DENND4C: variants seen among roughly 807,000 people sequenced by gnomAD.
The protein encoded by DENND4C is DENN domain-containing protein 4C.
DENND4C carries 108 observed loss-of-function variants against 203.0 expected under a neutral mutation model. That is an observed-to-expected ratio of 0.53 (90% CI 0.46 to 0.62). DENND4C has a LOEUF of 0.62. Among genes scored for constraint, DENND4C ranks in the 20% least tolerant of loss-of-function variants. DENND4C has a pLI of 0.00. For synonymous variants in DENND4C, 871 were observed against 792.4 expected (o/e 1.10, Z -1.67); for missense variants, 2,481 against 2,301.2 (o/e 1.08, Z -1.60).
In DENND4C at chr9:19,296,088, G is replaced by C; in HGVS notation, c.882G>C (p.Leu294Phe). The change falls in exon 6 of 33, where the codon TTG becomes TTC. Residue 294 changes from leucine (L) to phenylalanine (F), a missense_variant. This residue lies in a region of DENND4C where 2,289 missense variants were observed against 2,113.3 expected (regional missense o/e 1.08). Coordinates refer to ENST00000434457, the MANE Select transcript of DENND4C (RefSeq NM_001330640.2). Reference sequence around the variant, plus strand: ...AGAAACAGCTTATGCACCTGGGCTTGTTGACGCCTGTGGAGAGAAAAATGG... The same window carrying C: ...AGAAACAGCTTATGCACCTGGGCTTCTTGACGCCTGTGGAGAGAAAAATGG... ...LSEKQLMHLG[L>F]LTPVERKMVS... 1.2e-6 allele frequency: 2 copies of C among 1,614,114 alleles called. No homozygotes were observed. The highest frequency in any genetic ancestry group is 2.7e-5 in the African/African-American group (2 of 75,046).
chr9:19,245,960 T>A (rs1220100008), intron 1 of DENND4C, among the ~76,000 whole-genome samples: 8 of 2,882 alleles, frequency 2.8e-3, no homozygotes, highest in East Asian at 4.2e-3. Flanking sequence ...GGAATCCAAT[T>A]TTTTTTTTAT....
intron 1 of DENND4C, among the ~76,000 whole-genome samples, chr9:19,233,658 T>A (rs10964056): frequency 8.3e-5 from 8 of 96,936 alleles, no homozygotes; most frequent in African/African-American, 2.9e-4. Context: ...CCTCCCAGAT[T>A]GAAGCGATTC....
intron 23 of DENND4C, among the ~76,000 whole-genome samples, chr9:19,349,782 G>C (rs777407257): frequency 3.9e-5 from 6 of 152,118 alleles, no homozygotes; most frequent in Non-Finnish European, 8.8e-5. Context: ...AAACAGATTA[G>C]TTCACAGGTG....
intron 5 of DENND4C, among the ~76,000 whole-genome samples, chr9:19,294,680 TATATG>T: frequency 6.6e-6 from 1 of 152,198 alleles, no homozygotes; most frequent in Non-Finnish European, 1.5e-5. Flanking sequence ...ATGGTATATA[TATATG>T]ATGGAATTAT....
chr9:19,366,359 T>A (rs967964358), intron 30 of DENND4C, among the ~76,000 whole-genome samples: 2 of 152,224 alleles, frequency 1.3e-5, no homozygotes, highest in South Asian at 4.1e-4. Context: ...CCCAGCACTT[T>A]GGGAGGCCGA....
chr9:19,258,943 C>A (rs78658543), intron 1 of DENND4C, among the ~76,000 whole-genome samples: 1 of 152,074 alleles, frequency 6.6e-6, no homozygotes, highest in Admixed American at 6.6e-5. Flanking sequence ...GTGTGAGCCA[C>A]CCTGCCTGGC....
At chr9:19,238,475 CTCCCCTCCCCCTT>C (rs1822656406) in intron 1 of DENND4C, among the ~76,000 whole-genome samples, 1 of 37,504 alleles carries the variant, frequency 2.7e-5, no homozygotes, top group Non-Finnish European at 5.1e-5. Context: ...TCCCTCTCCC[CTCCCCTCCCCCTT>C]CTCCTCCCCT....
chr9:19,317,032 A>G (rs1322797202), intron 12 of DENND4C, among the ~76,000 whole-genome samples, 193 bp downstream of exon 12: 3 of 152,066 alleles, frequency 2.0e-5, no homozygotes, highest in African/African-American at 7.2e-5. Context: ...TTCTCCTGAG[A>G]AATCTGAAAC....
chr9:19,259,568 G>T (rs960072722), intron 1 of DENND4C, among the ~76,000 whole-genome samples: 1 of 148,492 alleles, frequency 6.7e-6, no homozygotes, highest in Non-Finnish European at 1.5e-5. Flanking sequence ...GCAGTGGCGC[G>T]ATCTTGGCTC....
At chr9:19,263,189 A>C (rs1010401671) in intron 1 of DENND4C, among the ~76,000 whole-genome samples, 2 of 152,200 alleles carry the variant, frequency 1.3e-5, no homozygotes, top group African/African-American at 4.8e-5. Flanking sequence ...ATCAATTGAA[A>C]TGATCATATG....
At chr9:19,351,616 G>A (rs1824135492) in intron 24 of DENND4C, among the ~76,000 whole-genome samples, 1 of 151,978 alleles carries the variant, frequency 6.6e-6, no homozygotes, top group Non-Finnish European at 1.5e-5. Context: ...AGACCAGCCT[G>A]GGCAACACAG....
chr9:19,285,869 A>G (rs915536190), intron 2 of DENND4C, among the ~76,000 whole-genome samples: 1 of 152,160 alleles, frequency 6.6e-6, no homozygotes, highest in African/African-American at 2.4e-5. Flanking sequence ...ATTGACTGCA[A>G]ATATAAGGGC....
rs933934716 is a variant in DENND4C at position 19,275,552 on chromosome 9, C to T, written c.-17-606C>T. ...GTGGAGCAATCTCCGCTCACTGCAG[C>T]TTCTGCCCCCTGGGTTCAAGCGATT... On this transcript the variant is annotated intron_variant, in intron 1 of 32. Transcript: ENST00000434457. Among the ~76,000 whole-genome samples, 22 of 152,158 alleles carry T rather than the reference C, an allele frequency of 1.4e-4. 2 individuals carry two copies. The highest frequency in any genetic ancestry group is 4.6e-4 in the Admixed American group (7 of 15,282).
intron 15 of DENND4C, among the ~76,000 whole-genome samples, chr9:19,327,744 T>G (rs1174520641): frequency 1.3e-5 from 2 of 152,078 alleles, no homozygotes; most frequent in Admixed American, 1.3e-4. Flanking sequence ...AATACATGGA[T>G]TATCTTGAAA....
chr9:19,290,973 A>G, intron 5 of DENND4C, 97 bp downstream of exon 5: 1 of 1,247,714 alleles, frequency 8.0e-7, no homozygotes, highest in East Asian at 2.5e-5. Flanking sequence ...GATTATTTGG[A>G]CATGATACAT....
intron 18 of DENND4C, 59 bp from the exon 19 acceptor site, chr9:19,336,210 TG>T: frequency 6.7e-7 from 1 of 1,503,656 alleles, no homozygotes. Context: ...CATATATGTA[TG>T]TATTTTTAAA....
chr9:19,289,368 A>T (rs1328573320), intron 4 of DENND4C, among the ~76,000 whole-genome samples: 1 of 152,252 alleles, frequency 6.6e-6, no homozygotes, highest in Non-Finnish European at 1.5e-5. Context: ...CTATTTGATT[A>T]TGCACAGTTC....
intron 30 of DENND4C, among the ~76,000 whole-genome samples, chr9:19,365,681 A>G (rs1341645513): frequency 6.6e-6 from 1 of 150,864 alleles, no homozygotes; most frequent in Non-Finnish European, 1.5e-5. Flanking sequence ...CACACACCTA[A>G]CATATTATTA....
At chr9:19,343,091 A>C (rs1179035141) in intron 22 of DENND4C, among the ~76,000 whole-genome samples, 8 of 152,178 alleles carry the variant, frequency 5.3e-5, no homozygotes, top group African/African-American at 1.9e-4. Context: ...TCCTGTATGC[A>C]TCATGAACAG....
Sources: allele counts gnomAD v4.1 joint callset (sites outside exome capture counted in the v4.1 genomes callset), GRCh38; gene constraint gnomAD v4.1.1; regional missense constraint gnomAD v4.1.1; transcripts MANE v1.5; gene names NCBI Gene and HGNC (gene_info 2026-07-23, HGNC 2026-07-21).